KDM4A: variants seen among roughly 807,000 people sequenced by gnomAD.
The protein encoded by KDM4A is lysine-specific demethylase 4A.
KDM4A carries 23 observed loss-of-function variants against 127.1 expected under a neutral mutation model. That is an observed-to-expected ratio of 0.18 (90% CI 0.13 to 0.26). The LOEUF is 0.26. Ranked by LOEUF, KDM4A falls within the 10% of genes least tolerant of loss-of-function variation. The pLI, the probability that KDM4A is intolerant of heterozygous loss-of-function variation, is 1.00. For missense variants in KDM4A, 890 were observed against 1,329.1 expected (o/e 0.67, Z 5.14); for synonymous variants, 443 against 466.5 (o/e 0.95, Z 0.65).
At chr1:43,699,037 C>T (rs780406412) in intron 19 of KDM4A, among the ~76,000 whole-genome samples, 2 of 151,854 alleles carry the variant, frequency 1.3e-5, no homozygotes, top group African/African-American at 4.8e-5. Context: ...GATCTGCCTA[C>T]CTTGGCCTCC....
chr1:43,697,810 G>A (rs769174525), intron 18 of KDM4A, 33 bp from the exon 19 acceptor site: 44 of 1,600,172 alleles, frequency 2.7e-5, no homozygotes, highest in Non-Finnish European at 3.4e-5. Context: ...CAAACTCCAC[G>A]TGTGAGTAAC....
At chr1:43,669,806 G>A (rs1660578576) in intron 10 of KDM4A, among the ~76,000 whole-genome samples, 1 of 152,042 alleles carries the variant, frequency 6.6e-6, no homozygotes, top group Non-Finnish European at 1.5e-5. Context: ...CTGCCACCAT[G>A]CCTGGCTAAT....
At chr1:43,657,151 G>T (rs1660262842) in intron 3 of KDM4A, among the ~76,000 whole-genome samples, 1 of 151,942 alleles carries the variant, frequency 6.6e-6, no homozygotes, top group South Asian at 2.1e-4. Context: ...GCCTCCCAAA[G>T]TGCTGGGATT....
intron 11 of KDM4A, among the ~76,000 whole-genome samples, chr1:43,672,210 A>G (rs1660635809): frequency 6.6e-6 from 1 of 151,044 alleles, no homozygotes; most frequent in Admixed American, 6.6e-5. Flanking sequence ...TTTTCTTGAG[A>G]TAGAGTCTCT....
Position 43,704,880 on chromosome 1 carries a change from T to C in KDM4A, c.*510T>C, listed in dbSNP as rs1191918371. On this transcript the variant is annotated 3_prime_UTR_variant, in exon 22 of 22. Transcript: ENST00000372396. The stretch of plus-strand genomic sequence containing the variant: ...CCTTGCCTATGCAGGGCAAACAAAA[T>C]GTGAAATTCTGCCCTCAGCTGAGCT... The C allele has an allele frequency of 6.3e-6, 1 of 157,734 alleles. No homozygotes were observed. The highest frequency in any genetic ancestry group is 2.4e-5 in the African/African-American group (1 of 41,478). The allele number at this position is 157,734 out of a possible 1,614,324, so 9.8% of individuals were successfully genotyped here. A position where few individuals can be genotyped will look rare whatever the true frequency, so the allele number is the denominator to read the frequency against.
intron 2 of KDM4A, 88 bp from the exon 3 acceptor site, chr1:43,655,503 T>C (rs1231760557): frequency 8.7e-7 from 1 of 1,146,836 alleles, no homozygotes; most frequent in African/African-American, 1.5e-5. Context: ...AATTGACTGT[T>C]AGGTTGGCTG....
At chr1:43,696,456 A>G (rs1039207151) in intron 18 of KDM4A, among the ~76,000 whole-genome samples, 5 of 152,240 alleles carry the variant, frequency 3.3e-5, no homozygotes, top group Admixed American at 3.3e-4. Context: ...GGGTTGCAGA[A>G]AAGTCCTGGT....
At chr1:43,662,864 A>G (rs575136481) in intron 4 of KDM4A, 30 bp from the exon 5 acceptor site, 98 of 1,566,570 alleles carry the variant, frequency 6.3e-5, no homozygotes, top group Non-Finnish European at 8.3e-5. Flanking sequence ...TGCAAATGTA[A>G]CTTGCCCTGG....
chr1:43,650,502 C>G (rs1165868312), intron 1 of KDM4A: 2 of 152,374 alleles, frequency 1.3e-5, no homozygotes, highest in Non-Finnish European at 2.9e-5. Context: ...TGCGGCCGAG[C>G]TTCACTCGCC....
At chr1:43,684,675 C>T (rs1038946039) in intron 12 of KDM4A, among the ~76,000 whole-genome samples, 1 of 152,044 alleles carries the variant, frequency 6.6e-6, no homozygotes, top group Non-Finnish European at 1.5e-5. Context: ...TCCTGGATAG[C>T]GTTATCATGG....
At chr1:43,668,986 C>A (rs1660560179) in intron 9 of KDM4A, 114 bp from the exon 10 acceptor site, 2 of 1,057,542 alleles carry the variant, frequency 1.9e-6, no homozygotes, top group Non-Finnish European at 2.8e-6. Flanking sequence ...AGTTTTGAGC[C>A]AGGCCTGACA....
chr1:43,658,580 T>G (rs1660301406), intron 3 of KDM4A, among the ~76,000 whole-genome samples: 1 of 149,772 alleles, frequency 6.7e-6, no homozygotes, highest in Non-Finnish European at 1.5e-5. Flanking sequence ...TTAGGCTCAC[T>G]GCAATCTCCG....
Position 43,688,807 on chromosome 1 carries a change from T to C in KDM4A, c.1856-107T>C. The C allele has an allele frequency of 1.0e-6, 1 of 986,048 alleles. No homozygotes were observed. The highest frequency in any genetic ancestry group is 1.5e-6 in the Non-Finnish European group (1 of 662,774). 61.1% of individuals were successfully genotyped at this position (986,048 alleles called of 1,614,324 possible). A position where few individuals can be genotyped will look rare whatever the true frequency, so the allele number is the denominator to read the frequency against. ...TCCTTAGGAATTCAGGAGTCACCCT[T>C]GGTCCAAACCTAGGATCAGGAGTCC... On this transcript the variant is annotated intron_variant, in intron 12 of 21. Transcript: ENST00000372396. The surrounding 1 kb of genome is among the most constrained non-coding windows in gnomAD (Gnocchi z 4.4).
rs528850538 is a variant in KDM4A at position 43,666,252 on chromosome 1, C to CCAT, written c.674-200_674-199insCAT. On this transcript the variant is annotated intron_variant, in intron 6 of 21. Transcript: ENST00000372396. Reference sequence around the variant, plus strand: ...TTCCCAAACAGGATTTCATTACCCACGTAATGCCCTACATGGGAGTGAGCC... The same window carrying CCAT: ...TTCCCAAACAGGATTTCATTACCCACCATGTAATGCCCTACATGGGAGTGAGCC... The CCAT allele has an allele frequency of 2.2e-5, 12 of 538,342 alleles. No homozygotes were observed. The South Asian group carries it at 3.1e-4, about 14-fold the overall frequency. The allele number at this position is 538,342 out of a possible 1,614,324, so 33.3% of individuals were successfully genotyped here. A position where few individuals can be genotyped will look rare whatever the true frequency, so the allele number is the denominator to read the frequency against.
chr1:43,667,905 C>T lies in KDM4A; in HGVS notation c.1049C>T (p.Ala350Val). The change falls in exon 9 of 22, where the codon GCA (alanine) becomes GTA (valine). Residue 350 changes from alanine (A) to valine (V), a missense_variant. Ala to Val is a moderately conservative substitution (Grantham distance 64). Transcript: ENST00000372396. ...GACCATACTCTGCCCACGCCAGAAG[C>T]AGCTGAGTTTCTTAAGGAGAGTGAA... ...VIDHTLPTPE[A>V]AEFLKESELP... The T allele has an allele frequency of 6.2e-7, 1 of 1,614,190 alleles. No individual in the cohort carries two copies. The highest frequency in any genetic ancestry group is 8.5e-7 in the Non-Finnish European group (1 of 1,180,042).
intron 12 of KDM4A, among the ~76,000 whole-genome samples, chr1:43,687,041 CCTGT>C (rs1270849514): frequency 2.0e-5 from 3 of 152,148 alleles, no homozygotes; most frequent in Admixed American, 6.5e-5. Context: ...TGTGAGCCTG[CCTGT>C]CTGTTTCTGT....
At chr1:43,660,628 TGTG>T (rs1660351579) in intron 4 of KDM4A, among the ~76,000 whole-genome samples, 1 of 152,148 alleles carries the variant, frequency 6.6e-6, no homozygotes, top group Non-Finnish European at 1.5e-5. Context: ...AATTGGATGA[TGTG>T]GTGTTCTTTT....
chr1:43,695,687 T>A (rs141391216), intron 18 of KDM4A, among the ~76,000 whole-genome samples: 231 of 152,228 alleles, frequency 1.5e-3, no homozygotes, highest in African/African-American at 5.3e-3. Context: ...GGATTCAGAG[T>A]AAGAATTTGA....
At position 43,694,223 on chromosome 1, in the gene KDM4A, T is replaced by C. The variant is rs1321464715; in HGVS notation, c.2484+121T>C. 1.3e-6 allele frequency: 1 copy of C among 780,502 alleles called. No individual in the cohort carries two copies. Among genetic ancestry groups the C allele is most frequent in the African/African-American group, 1.7e-5 (1 of 57,746 alleles). 48.3% of individuals were successfully genotyped at this position (780,502 alleles called of 1,614,324 possible). ...TTGTGATTCTCACTCTGTGGTTAGA[T>C]TCCTTAGTGGAGGCCAGGTGTGGTG... On this transcript the variant is annotated intron_variant, in intron 17 of 21. Transcript: ENST00000372396. This position sits in a 1 kb window ranked among gnomAD's most constrained non-coding sequence, Gnocchi z 5.2.
Sources: gnomAD v4.1 joint callset for allele counts (sites outside exome capture counted in the v4.1 genomes callset) on GRCh38, gnomAD v4.1.1 for gene constraint, Gnocchi (gnomAD v3.1) non-coding constraint, MANE v1.5 for transcripts, NCBI Gene and HGNC (gene_info 2026-07-23, HGNC 2026-07-21) for gene names.